AGBL1: variants seen among roughly 807,000 people sequenced by gnomAD.
AGBL1 encodes the protein cytosolic carboxypeptidase 4.
Under a neutral mutation model 118.9 loss-of-function variants are expected in AGBL1, and 130 were observed. That is an observed-to-expected ratio of 1.09 (90% CI 0.95 to 1.26). AGBL1 has a LOEUF of 1.26. Ranked by LOEUF, AGBL1 falls within the 50% of genes most tolerant of loss-of-function variation. The pLI is 0.00. For missense variants in AGBL1, 1,584 were observed against 1,298.1 expected, an observed-to-expected ratio of 1.22 and a Z score of -3.38; for synonymous variants, 555 against 478.9, an observed-to-expected ratio of 1.16 and a Z score of -2.08.
chr15:86,726,805 T>A (rs2086825266), intron 22 of AGBL1, among the ~76,000 whole-genome samples: 1 of 152,136 alleles, frequency 6.6e-6, no homozygotes, highest in Non-Finnish European at 1.5e-5. Flanking sequence ...TCCTCCTGCC[T>A]CGGCCTCCCA....
At chr15:86,198,824 C>T (rs7165367) in intron 5 of AGBL1, among the ~76,000 whole-genome samples, 1 of 151,978 alleles carries the variant, frequency 6.6e-6, no homozygotes, top group African/African-American at 2.4e-5. Flanking sequence ...AGCCTCTAGA[C>T]TGGTGGGAAA....
chr15:86,242,959 T>C (rs971261464), intron 6 of AGBL1, among the ~76,000 whole-genome samples: 2 of 152,174 alleles, frequency 1.3e-5, no homozygotes, highest in African/African-American at 4.8e-5. Flanking sequence ...TTTATAAAGA[T>C]GGTTGGGATC....
intron 23 of AGBL1, among the ~76,000 whole-genome samples, chr15:86,974,496 T>C (rs1387330311): frequency 7.9e-6 from 1 of 126,440 alleles, no homozygotes; most frequent in Non-Finnish European, 1.7e-5. Context: ...AAACATATTT[T>C]ATATATTGAA....
At chr15:86,565,722 T>G (rs1484330505) in intron 21 of AGBL1, among the ~76,000 whole-genome samples, 1 of 152,246 alleles carries the variant, frequency 6.6e-6, no homozygotes, top group Non-Finnish European at 1.5e-5. Flanking sequence ...ATGCCCTGCC[T>G]CCAGAGGTGG....
chr15:86,154,050 A>T (rs2077154271), intron 3 of AGBL1, among the ~76,000 whole-genome samples: 1 of 152,170 alleles, frequency 6.6e-6, no homozygotes, highest in African/African-American at 2.4e-5. Context: ...ATCCAAGTTG[A>T]CATACTACAT....
At chr15:86,556,065 G>A (rs1330087324) in intron 21 of AGBL1, among the ~76,000 whole-genome samples, 3 of 152,174 alleles carry the variant, frequency 2.0e-5, no homozygotes, top group African/African-American at 7.2e-5. Flanking sequence ...CTGTCATTGA[G>A]TTTGTTTCTC....
rs1896319963 is a variant in AGBL1 at position 86,095,646 on chromosome 15, C to CTTTTTTTTTTTTT, written c.51+15623_51+15624insTTTTTTTTTTTTT. On this transcript the variant is annotated intron_variant, in intron 1 of 22. Transcript: ENST00000614907. ...TCATAATGTCACATGACCTTGGATA[C>CTTTTTTTTTTTTT]CTTTTTTTTTTTTTTTTTTTTTTTT... is the stretch of plus-strand genomic sequence containing the variant. Among the ~76,000 whole-genome samples, 36 of 116,684 alleles carry CTTTTTTTTTTTTT rather than the reference C, an allele frequency of 3.1e-4. 17 individuals carry two copies. The highest frequency in any genetic ancestry group is 2.8e-4 in the African/African-American group (9 of 31,940). 76.5% of individuals were successfully genotyped at this position (116,684 alleles called of 152,430 possible). A position where few individuals can be genotyped will look rare whatever the true frequency, so the allele number is the denominator to read the frequency against.
At chr15:86,250,738 G>A (rs555472132) in intron 7 of AGBL1, among the ~76,000 whole-genome samples, 5 of 152,192 alleles carry the variant, frequency 3.3e-5, no homozygotes, top group South Asian at 4.2e-4. Context: ...AACCAGTGTT[G>A]AGTAGCCTCC....
chr15:86,503,317 C>T (rs548270055), intron 18 of AGBL1, among the ~76,000 whole-genome samples: 26 of 151,428 alleles, frequency 1.7e-4, no homozygotes, highest in Non-Finnish European at 3.4e-4. Flanking sequence ...TAATAATTTA[C>T]ATCTTTTCTT....
intron 22 of AGBL1, among the ~76,000 whole-genome samples, chr15:86,674,830 G>C (rs1303198364): frequency 6.6e-6 from 1 of 152,066 alleles, no homozygotes. Flanking sequence ...TAGGCACCTG[G>C]AGACAAGAAA....
chr15:86,704,824 C>T (rs2086419415), intron 22 of AGBL1, among the ~76,000 whole-genome samples: 1 of 152,188 alleles, frequency 6.6e-6, no homozygotes, highest in Non-Finnish European at 1.5e-5. Context: ...TATAAAGACA[C>T]ATGTACACGT....
At chr15:86,457,043 A>C (rs1469505862) in intron 18 of AGBL1, among the ~76,000 whole-genome samples, 1 of 152,162 alleles carries the variant, frequency 6.6e-6, no homozygotes, top group Non-Finnish European at 1.5e-5. Flanking sequence ...AATGGACAAA[A>C]TCCCTTTCAT....
intron 5 of AGBL1, among the ~76,000 whole-genome samples, chr15:86,180,148 C>A (rs1352478122): frequency 6.6e-6 from 1 of 151,672 alleles, no homozygotes; most frequent in Non-Finnish European, 1.5e-5. Flanking sequence ...CGTTGCACTC[C>A]CAGTGAAAAT....
intron 21 of AGBL1, among the ~76,000 whole-genome samples, chr15:86,597,894 T>A (rs1045633130): frequency 3.3e-5 from 5 of 152,092 alleles, no homozygotes; most frequent in African/African-American, 1.2e-4. Flanking sequence ...CTTTCTCTAG[T>A]CTGTTCTGAA....
chr15:86,133,420 T>C (rs1265186901), intron 1 of AGBL1, among the ~76,000 whole-genome samples: 1 of 152,224 alleles, frequency 6.6e-6, no homozygotes. Flanking sequence ...TGCTCACATG[T>C]CACAATAAAC....
chr15:86,552,291 A>C (rs1790334546), intron 20 of AGBL1, among the ~76,000 whole-genome samples: 2 of 152,282 alleles, frequency 1.3e-5, no homozygotes, highest in South Asian at 4.1e-4. Context: ...CTGTGGACCT[A>C]AAACTGCTTT....
chr15:86,395,916 A>G (rs2081353350), intron 17 of AGBL1, among the ~76,000 whole-genome samples: 1 of 151,810 alleles, frequency 6.6e-6, no homozygotes, highest in African/African-American at 2.4e-5. Context: ...CTTTGTGCAC[A>G]ATTTGAAACA....
intron 23 of AGBL1, among the ~76,000 whole-genome samples, chr15:86,925,719 T>A (rs12914514): frequency 7.1e-6 from 1 of 140,014 alleles, no homozygotes; most frequent in Admixed American, 7.2e-5. Flanking sequence ...CTTTTTCTTT[T>A]CTTTTTTTTT....
chr15:86,963,142 T>C (rs773537839), intron 23 of AGBL1, among the ~76,000 whole-genome samples: 7 of 152,010 alleles, frequency 4.6e-5, no homozygotes, highest in Admixed American at 1.3e-4. Flanking sequence ...GATAAGAATA[T>C]ATTAGGAAAT....
Sources: allele counts gnomAD v4.1 joint callset (sites outside exome capture counted in the v4.1 genomes callset), GRCh38; gene constraint gnomAD v4.1.1; transcripts MANE v1.5; gene names NCBI Gene and HGNC (gene_info 2026-07-23, HGNC 2026-07-21).